Variants in PIK3C2G observed in about 807,000 individuals in gnomAD.
PIK3C2G encodes phosphatidylinositol 3-kinase C2 domain-containing subunit gamma.
Under a neutral mutation model 181.1 loss-of-function variants are expected in PIK3C2G, and 168 were observed. That is an observed-to-expected ratio of 0.93 (90% CI 0.82 to 1.05). The LOEUF is 1.05. Ranked by LOEUF, PIK3C2G falls within the 50% of genes least tolerant of loss-of-function variation. The pLI, the probability that PIK3C2G is intolerant of heterozygous loss-of-function variation, is 0.00. For missense variants in PIK3C2G, 1,869 were observed against 1,732.8 expected, an observed-to-expected ratio of 1.08 and a Z score of -1.40; for synonymous variants, 573 against 592.2, an observed-to-expected ratio of 0.97 and a Z score of 0.47.
At chr12:18,610,379 C>A (rs1196224737) in intron 31 of PIK3C2G, among the ~76,000 whole-genome samples, 1 of 152,032 alleles carries the variant, frequency 6.6e-6, no homozygotes, top group African/African-American at 2.4e-5. Flanking sequence ...CTGAGGATGC[C>A]TTTGGAAGGA....
chr12:18,267,272 G>C (rs2137030674), intron 1 of PIK3C2G, among the ~76,000 whole-genome samples: 1 of 151,614 alleles, frequency 6.6e-6, no homozygotes, highest in Admixed American at 6.6e-5. Flanking sequence ...CATTTTATTG[G>C]CATCTCTCTC....
intron 18 of PIK3C2G, among the ~76,000 whole-genome samples, chr12:18,449,630 T>C (rs887638000): frequency 3.3e-5 from 5 of 152,212 alleles, no homozygotes; most frequent in Non-Finnish European, 5.9e-5. Context: ...GGACATGAAT[T>C]CATTCTTTTT....
chr12:18,487,096 T>TTTTTTGTGTGTGTG (rs71440368), intron 18 of PIK3C2G, among the ~76,000 whole-genome samples: 2 of 142,200 alleles, frequency 1.4e-5, no homozygotes, highest in African/African-American at 5.3e-5. Context: ...TTGAGGTATT[T>TTTTTTGTGTGTGTG]TGTGTGTGTG....
intron 24 of PIK3C2G, among the ~76,000 whole-genome samples, chr12:18,517,294 C>T (rs996508133): frequency 3.9e-5 from 6 of 152,122 alleles, no homozygotes; most frequent in South Asian, 2.1e-4. Context: ...GTCTGGGGAA[C>T]GCTTACAAAG....
At chr12:18,678,279 T>C in the PIK3C2G span, among the ~76,000 whole-genome samples, 1 of 152,130 alleles carries the variant, frequency 6.6e-6, no homozygotes, top group East Asian at 1.9e-4. Flanking sequence ...TTACACAAGT[T>C]ACTGGTCAGC....
intron 13 of PIK3C2G, 141 bp downstream of exon 13, chr12:18,371,452 G>A: frequency 1.5e-6 from 1 of 665,778 alleles, no homozygotes; most frequent in Non-Finnish European, 2.3e-6. Flanking sequence ...AATCGTGACT[G>A]CTGAAATCAG....
chr12:18,291,152 G>T (rs907788980), intron 4 of PIK3C2G, 140 bp downstream of exon 4: 2 of 555,880 alleles, frequency 3.6e-6, no homozygotes, highest in Non-Finnish European at 6.2e-6. Context: ...GAAAACATCA[G>T]GGATCCATTT....
At chr12:18,244,165 G>T (rs1948015324), upstream of PIK3C2G, among the ~76,000 whole-genome samples, 1 of 151,862 alleles carries the variant, frequency 6.6e-6, no homozygotes, top group Admixed American at 6.6e-5. Context: ...ATTCACTAAA[G>T]AAAATGTCTA....
At chr12:18,354,384 C>A (rs4763497) in intron 11 of PIK3C2G, among the ~76,000 whole-genome samples, 15,947 of 152,142 alleles carry the variant, frequency 0.1, 1,177 homozygotes, top group Admixed American at 0.25. Context: ...AGGAGCAGGG[C>A]TGAAGGGAGC....
chr12:18,640,318 A>C, intron 31 of PIK3C2G, 111 bp from the exon 32 acceptor site: 1 of 824,064 alleles, frequency 1.2e-6, no homozygotes, highest in Middle Eastern at 2.3e-4. Flanking sequence ...ACATCAACAA[A>C]GTGACTGTAA....
intron 25 of PIK3C2G, among the ~76,000 whole-genome samples, chr12:18,542,228 C>A (rs1478009511): frequency 6.6e-6 from 1 of 151,770 alleles, no homozygotes; most frequent in Admixed American, 6.6e-5. Flanking sequence ...TCAATGAGCA[C>A]ACGGAAGTCT....
At chr12:18,713,295 C>T in the PIK3C2G span, among the ~76,000 whole-genome samples, 4 of 152,120 alleles carry the variant, frequency 2.6e-5, no homozygotes, top group Non-Finnish European at 5.9e-5. Context: ...ATAGTTGTAG[C>T]TCTGAAACAT....
At chr12:18,433,280 C>T (rs1222238020) in intron 18 of PIK3C2G, among the ~76,000 whole-genome samples, 3 of 151,814 alleles carry the variant, frequency 2.0e-5, no homozygotes, top group Admixed American at 1.3e-4. Flanking sequence ...TTTGGGAGGC[C>T]GAGGAGGGTA....
chr12:18,333,285 G>C (rs1938170254), intron 8 of PIK3C2G, among the ~76,000 whole-genome samples: 1 of 152,002 alleles, frequency 6.6e-6, no homozygotes, highest in South Asian at 2.1e-4. Context: ...ATTTTCATTT[G>C]TTTGTTTGTT....
the PIK3C2G span, chr12:18,687,965 G>T: frequency 7.8e-7 from 1 of 1,288,556 alleles, no homozygotes. Context: ...GCTAATTTTG[G>T]ACATAATGGA....
At position 18,413,644 on chromosome 12, in the gene PIK3C2G, C is replaced by T. The variant is rs77664334; in HGVS notation, c.2316-7297C>T. Among the ~76,000 whole-genome samples, 1,130 of 152,090 alleles carry T rather than the reference C, an allele frequency of 7.4e-3. 15 individuals are homozygous for T. Among genetic ancestry groups the T allele is most frequent in the African/African-American group, 0.026 (1,094 of 41,496 alleles). On this transcript the variant is annotated intron_variant, in intron 16 of 32. Transcript: ENST00000538779. ...AGTTGACATCAGCCTCATGAATCTCCTAGCAGTACTTTGTTTAAGTCCCAT... is the reference window on the plus strand; with the variant it reads ...AGTTGACATCAGCCTCATGAATCTCTTAGCAGTACTTTGTTTAAGTCCCAT...
At chr12:18,496,253 C>A in intron 21 of PIK3C2G, 99 bp downstream of exon 21, 1 of 725,098 alleles carries the variant, frequency 1.4e-6, no homozygotes, top group Non-Finnish European at 2.3e-6. Flanking sequence ...CCTCCAGCAA[C>A]AACACATAGG....
intron 10 of PIK3C2G, among the ~76,000 whole-genome samples, chr12:18,345,361 C>G (rs528678152): frequency 6.6e-6 from 1 of 152,072 alleles, no homozygotes; most frequent in African/African-American, 2.4e-5. Context: ...GCTTGTCCCC[C>G]CCAGACTGTT....
At chr12:18,348,231 G>A (rs896148806) in intron 11 of PIK3C2G, among the ~76,000 whole-genome samples, 1 of 151,750 alleles carries the variant, frequency 6.6e-6, no homozygotes, top group African/African-American at 2.4e-5. Context: ...ATACATATGT[G>A]TGTAAATGCA....
Sources: gnomAD v4.1 joint callset for allele counts (sites outside exome capture counted in the v4.1 genomes callset) on GRCh38, gnomAD v4.1.1 for gene constraint, MANE v1.5 for transcripts, NCBI Gene and HGNC (gene_info 2026-07-23, HGNC 2026-07-21) for gene names.